The following SLIT3 variants were observed in gnomAD, a reference collection of about 807,000 sequenced individuals.
SLIT3 encodes slit homolog 3 protein.
Under a neutral mutation model 184.0 loss-of-function variants are expected in SLIT3, and 68 were observed. That is an observed-to-expected ratio of 0.37 (90% CI 0.30 to 0.45). SLIT3 has a LOEUF of 0.45. Among genes scored for constraint, SLIT3 ranks in the 20% least tolerant of loss-of-function variants. SLIT3 has a pLI of 1.00. For synonymous variants in SLIT3, 831 were observed against 828.6 expected, an observed-to-expected ratio of 1.00 and a Z score of -0.05; for missense variants, 1,707 against 2,026.0, an observed-to-expected ratio of 0.84 and a Z score of 3.02.
rs1283537510 is a variant in SLIT3 at position 168,759,391 on chromosome 5, C to T, written c.1685+1471G>A. Among the ~76,000 whole-genome samples, 3 of 152,292 alleles carry T rather than the reference C, an allele frequency of 2.0e-5. No individual in the cohort carries two copies. In the Middle Eastern group the frequency reaches 0.01, roughly 518 times the overall value. ...TCCATAATGTTGAACTCATGGCCAG[C>T]AGCACTATAACTCAAGCCTGTAATA... is the stretch of plus-strand genomic sequence containing the variant. On this transcript the variant is annotated intron_variant, in intron 16 of 35. Transcript: ENST00000519560.
At position 168,677,808 on chromosome 5, in the gene SLIT3, G is replaced by C. The variant is rs1761459511; in HGVS notation, c.3687-4477C>G. Reference sequence around the variant, plus strand: ...GACACCTAGCAAGTGCTCAGTGAAAGGTGGAAATGATGACTCCTTGACCTT... The same window carrying C: ...GACACCTAGCAAGTGCTCAGTGAAACGTGGAAATGATGACTCCTTGACCTT... On this transcript the variant is annotated intron_variant, in intron 32 of 35. Transcript: ENST00000519560. 2.0e-5 allele frequency among the ~76,000 whole-genome samples: 3 copies of C among 152,232 alleles called. No individual in the cohort carries two copies. The South Asian group carries it at 6.2e-4, about 31-fold the overall frequency.
At chr5:168,723,342 C>T (rs936551555) in intron 21 of SLIT3, among the ~76,000 whole-genome samples, 3 of 151,350 alleles carry the variant, frequency 2.0e-5, no homozygotes, top group Non-Finnish European at 4.4e-5. Flanking sequence ...TCCTCCCTCC[C>T]ACCATCCATC....
At chr5:169,195,255 C>A (rs1273331642) in intron 3 of SLIT3, among the ~76,000 whole-genome samples, 1 of 152,196 alleles carries the variant, frequency 6.6e-6, no homozygotes, top group East Asian at 1.9e-4. Context: ...TCCCCCCTTT[C>A]TTCCTAGGTC....
At chr5:169,014,418 G>T (rs573050440) in intron 4 of SLIT3, among the ~76,000 whole-genome samples, 6 of 152,336 alleles carry the variant, frequency 3.9e-5, no homozygotes, top group African/African-American at 1.2e-4. Context: ...ACTGGTGGGG[G>T]AGAGGATGGT....
chr5:168,688,741 G>A (rs982003016), intron 29 of SLIT3, among the ~76,000 whole-genome samples: 1 of 152,226 alleles, frequency 6.6e-6, no homozygotes, highest in Non-Finnish European at 1.5e-5. Flanking sequence ...GAAACACATT[G>A]AGAATGCCTT....
intron 4 of SLIT3, among the ~76,000 whole-genome samples, chr5:169,147,045 T>C (rs1302278303): frequency 6.6e-6 from 1 of 152,200 alleles, no homozygotes; most frequent in African/African-American, 2.4e-5. Context: ...TCAATTGTTA[T>C]TGTCTGTCAT....
At chr5:168,788,148 AC>A (rs1756226090) in intron 11 of SLIT3, among the ~76,000 whole-genome samples, 2 of 152,026 alleles carry the variant, frequency 1.3e-5, no homozygotes, top group South Asian at 4.2e-4. Context: ...GGGAAACCAG[AC>A]AAGGGAAGAG....
intron 1 of SLIT3, among the ~76,000 whole-genome samples, chr5:169,291,947 T>C (rs1767371304): frequency 6.6e-6 from 1 of 152,192 alleles, no homozygotes; most frequent in African/African-American, 2.4e-5. Context: ...AAATAGGAAA[T>C]GACTCCACGC....
At chr5:168,887,516 C>G (rs1760265405) in intron 4 of SLIT3, among the ~76,000 whole-genome samples, 1 of 152,112 alleles carries the variant, frequency 6.6e-6, no homozygotes, top group African/African-American at 2.4e-5. Flanking sequence ...TTTTACTAAC[C>G]TCATCAGTTA....
chr5:168,864,579 G>A (rs951623891), intron 5 of SLIT3, among the ~76,000 whole-genome samples: 1 of 152,150 alleles, frequency 6.6e-6, no homozygotes, highest in East Asian at 1.9e-4. Context: ...TGTTGAGGGG[G>A]TTATACCAAT....
chr5:169,233,027 C>CAT (rs138919749), intron 3 of SLIT3, among the ~76,000 whole-genome samples: 7,159 of 152,126 alleles, frequency 0.047, 302 homozygotes, highest in African/African-American at 0.11. Flanking sequence ...TATATATACA[C>CAT]ATATATATAT....
At chr5:169,071,547 AC>A (rs1437833584) in intron 4 of SLIT3, among the ~76,000 whole-genome samples, 2 of 152,056 alleles carry the variant, frequency 1.3e-5, no homozygotes, top group Non-Finnish European at 2.9e-5. Context: ...GCTTTTTCTC[AC>A]TCTGGAAGTT....
intron 26 of SLIT3, among the ~76,000 whole-genome samples, chr5:168,701,345 C>A (rs965036961): frequency 1.3e-5 from 2 of 152,208 alleles, no homozygotes; most frequent in African/African-American, 4.8e-5. Context: ...CTTGATTGAT[C>A]TGGAGTGGGG....
chr5:169,093,293 A>T (rs1233513473), intron 4 of SLIT3, among the ~76,000 whole-genome samples: 2 of 152,100 alleles, frequency 1.3e-5, no homozygotes, highest in African/African-American at 2.4e-5. Context: ...CAGTTTAGTG[A>T]TTATTGTAGG....
At chr5:168,996,536 T>C (rs1432363381) in intron 4 of SLIT3, among the ~76,000 whole-genome samples, 1 of 152,236 alleles carries the variant, frequency 6.6e-6, no homozygotes, top group Non-Finnish European at 1.5e-5. Flanking sequence ...TTTGCATATA[T>C]CTGGGGCTTT....
intron 3 of SLIT3, among the ~76,000 whole-genome samples, chr5:169,207,370 T>TACACACACACACACAC (rs56721949): frequency 3.0e-5 from 4 of 131,858 alleles, no homozygotes; most frequent in Non-Finnish European, 4.9e-5. Context: ...TACACATACA[T>TACACACACACACACAC]ACACACACAC....
chr5:168,872,989 C>T (rs945270971), intron 5 of SLIT3, among the ~76,000 whole-genome samples: 4 of 152,142 alleles, frequency 2.6e-5, no homozygotes, highest in Non-Finnish European at 5.9e-5. Context: ...GAAATTCTGT[C>T]CCAACTGTGA....
rs887738058 is a variant in SLIT3 at position 169,032,789 on chromosome 5, C to T, written c.414-149453G>A. Among the ~76,000 whole-genome samples the T allele has an allele frequency of 2.6e-5, 4 of 151,836 alleles. No individual in the cohort carries two copies. The East Asian group carries it at 7.7e-4, about 29-fold the overall frequency. The stretch of plus-strand genomic sequence containing the variant: ...TTGGGAAACAAAAGCTTATTCTACT[C>T]ATTTTGTAAAATGAATTTTATTGTG... On this transcript the variant is annotated intron_variant, in intron 4 of 35. Coordinates refer to ENST00000519560, the MANE Select transcript of SLIT3 (RefSeq NM_003062.4).
chr5:169,039,456 A>G (rs920593753), intron 4 of SLIT3, among the ~76,000 whole-genome samples: 4 of 151,738 alleles, frequency 2.6e-5, no homozygotes, highest in Non-Finnish European at 1.5e-5. Context: ...AGCTAGGACT[A>G]TAGGCGCCTG....
Sources: gnomAD v4.1 joint callset for allele counts (sites outside exome capture counted in the v4.1 genomes callset) on GRCh38, gnomAD v4.1.1 for gene constraint, MANE v1.5 for transcripts, NCBI Gene and HGNC (gene_info 2026-07-23, HGNC 2026-07-21) for gene names.